The following ADAM28 variants were observed in gnomAD, a reference collection of about 807,000 sequenced individuals.
ADAM28 encodes the protein disintegrin and metalloproteinase domain-containing protein 28.
Under a neutral mutation model 101.2 loss-of-function variants are expected in ADAM28, and 105 were observed. The observed-to-expected ratio is 1.04, with a 90% CI of 0.89 to 1.22. ADAM28 has a LOEUF of 1.22. Among genes scored for constraint, ADAM28 ranks in the 50% most tolerant of loss-of-function variants. The pLI, the probability that ADAM28 is intolerant of heterozygous loss-of-function variation, is 0.00. For missense variants in ADAM28, 1,028 were observed against 945.4 expected (o/e 1.09, Z -1.15); for synonymous variants, 322 against 310.6 (o/e 1.04, Z -0.39).
At chr8:24,333,020 G>A (rs1375007199) in intron 13 of ADAM28, among the ~76,000 whole-genome samples, 1 of 152,268 alleles carries the variant, frequency 6.6e-6, no homozygotes, top group Admixed American at 6.5e-5. Flanking sequence ...ATTTGCTACA[G>A]CCTGGATACA....
intron 14 of ADAM28, chr8:24,336,056 G>A: frequency 1.0e-6 from 1 of 993,922 alleles, no homozygotes; most frequent in Non-Finnish European, 1.2e-6. Flanking sequence ...GTGTGTGTGT[G>A]TGTGCAGGGG....
At chr8:24,327,476 A>G (rs1171450534) in intron 10 of ADAM28, among the ~76,000 whole-genome samples, 1 of 152,194 alleles carries the variant, frequency 6.6e-6, no homozygotes, top group Non-Finnish European at 1.5e-5. Flanking sequence ...AACATAATTT[A>G]TAGATTCAGT....
chr8:24,342,112 A>C (rs1277607158), intron 16 of ADAM28, among the ~76,000 whole-genome samples: 7 of 152,214 alleles, frequency 4.6e-5, no homozygotes, highest in Admixed American at 1.3e-4. Context: ...TGAAAGTGCC[A>C]GTGTATGTGA....
At chr8:24,322,469 T>G (rs994885813) in intron 8 of ADAM28, 1 of 152,002 alleles carries the variant, frequency 6.6e-6, no homozygotes, top group Non-Finnish European at 1.5e-5. Context: ...ATAAAAAATG[T>G]GTGCAGAAAA....
At chr8:24,328,027 C>T (rs1024793429) in intron 10 of ADAM28, among the ~76,000 whole-genome samples, 2 of 152,148 alleles carry the variant, frequency 1.3e-5, no homozygotes, top group African/African-American at 4.8e-5. Flanking sequence ...ACGTAAGTAA[C>T]AATCCTGCAC....
chr8:24,302,259 AG>A (rs372260356), intron 2 of ADAM28, among the ~76,000 whole-genome samples: 219 of 152,270 alleles, frequency 1.4e-3, no homozygotes, highest in African/African-American at 4.8e-3. Context: ...GTGCCTGCAA[AG>A]GACATGATCC....
intron 13 of ADAM28, among the ~76,000 whole-genome samples, chr8:24,334,625 G>A (rs1028518361): frequency 1.3e-5 from 2 of 152,184 alleles, no homozygotes; most frequent in Non-Finnish European, 2.9e-5. Flanking sequence ...TCTCTGACTG[G>A]AGCTTTGGGT....
chr8:24,312,323 T>C (rs746906760), intron 5 of ADAM28, among the ~76,000 whole-genome samples: 6 of 152,156 alleles, frequency 3.9e-5, no homozygotes, highest in Non-Finnish European at 7.3e-5. Flanking sequence ...ATCAATGGTA[T>C]AATTAGATAA....
In ADAM28 at chr8:24,309,980, T is replaced by G; in HGVS notation, c.227+10T>G. On this transcript the variant is annotated intron_variant, in intron 3 of 22. Coordinates refer to ENST00000265769, the MANE Select transcript of ADAM28 (RefSeq NM_014265.6). ...ATTTGAAAAAAAACAAGTAAGTATC[T>G]TTACCTGTGATATTATCCTCAGCAA... The G allele has an allele frequency of 6.5e-7, 1 of 1,547,214 alleles. No homozygotes were observed. Among genetic ancestry groups the G allele is most frequent in the Non-Finnish European group, 8.9e-7 (1 of 1,120,932 alleles).
intron 13 of ADAM28, among the ~76,000 whole-genome samples, chr8:24,333,495 A>G (rs1330175710): frequency 6.6e-6 from 1 of 152,208 alleles, no homozygotes; most frequent in Non-Finnish European, 1.5e-5. Context: ...AATCATGTGC[A>G]CCTTAAATAC....
At chr8:24,317,991 CAGA>C (rs1349484942) in intron 6 of ADAM28, among the ~76,000 whole-genome samples, 2 of 151,938 alleles carry the variant, frequency 1.3e-5, no homozygotes, top group South Asian at 4.2e-4. Flanking sequence ...CCCTCAGAAC[CAGA>C]AGATGTTGAG....
intron 2 of ADAM28, among the ~76,000 whole-genome samples, chr8:24,305,451 CTTTT>C (rs10654023): frequency 4.6e-5 from 3 of 65,446 alleles, no homozygotes; most frequent in Non-Finnish European, 8.8e-5. Context: ...TAAGAGGTTT[CTTTT>C]TTTTTTTTTT....
At chr8:24,323,459 T>C (rs1331761702) in intron 8 of ADAM28, among the ~76,000 whole-genome samples, 1 of 151,982 alleles carries the variant, frequency 6.6e-6, no homozygotes, top group Non-Finnish European at 1.5e-5. Context: ...TTCTGAAATA[T>C]TCTCACTCTG....
At position 24,356,769 on chromosome 8, in the gene ADAM28, A is replaced by C. The variant is rs891510830; in HGVS notation, c.*2365A>C. ...ATTTTTACCTTGTCTACTTTAAAAC[A>C]GTGAAATTATTAGGTTAAATTATGT... On this transcript the variant is annotated 3_prime_UTR_variant, in exon 23 of 23. Transcript: ENST00000265769. 51 of 152,180 alleles carry C rather than the reference A, an allele frequency of 3.4e-4. No individual in the cohort carries two copies. Among genetic ancestry groups the C allele is most frequent in the African/African-American group, 1.2e-3 (50 of 41,456 alleles). 9.4% of individuals were successfully genotyped at this position (152,180 alleles called of 1,614,324 possible).
intron 6 of ADAM28, among the ~76,000 whole-genome samples, chr8:24,319,696 A>G (rs1418839939): frequency 2.0e-5 from 3 of 151,234 alleles, no homozygotes; most frequent in Non-Finnish European, 4.4e-5. Flanking sequence ...TTTGAGATAG[A>G]GAAAGGAACA....
intron 1 of ADAM28, 149 bp downstream of exon 1, chr8:24,294,344 C>T: frequency 1.1e-6 from 1 of 923,924 alleles, no homozygotes; most frequent in Non-Finnish European, 1.6e-6. Context: ...TGGTTTTAAC[C>T]TGTTGTTTGG....
rs766717076 is a variant in ADAM28, at chr8:24,356,685, C to T, written c.*2281C>T. The T allele has an allele frequency of 4.6e-5, 7 of 152,090 alleles. No individual in the cohort carries two copies. The highest frequency in any genetic ancestry group is 7.4e-5 in the Non-Finnish European group (5 of 68,008). 9.4% of individuals were successfully genotyped at this position (152,090 alleles called of 1,614,324 possible). On this transcript the variant is annotated 3_prime_UTR_variant, in exon 23 of 23. Transcript: ENST00000265769. ...TAACTTTCTAACTTTAAGGGAATTC[C>T]GCTTATTTGACATTTAACTACCTCA...
intron 7 of ADAM28, among the ~76,000 whole-genome samples, 176 bp downstream of exon 7, chr8:24,320,483 T>C (rs1274503830): frequency 6.6e-6 from 1 of 151,988 alleles, no homozygotes; most frequent in Non-Finnish European, 1.5e-5. Flanking sequence ...ATATGACTTC[T>C]TTTCAGAGCG....
rs767072648 is a variant in ADAM28 at position 24,341,638 on chromosome 8, G to T, written c.1711G>T (p.Asp571Tyr). The change falls in exon 16 of 23, where the codon GAT (aspartate) becomes TAT (tyrosine). Residue 571 changes from aspartate to tyrosine, a missense_variant. Physicochemically the swap from Asp to Tyr is radical, Grantham distance 160. Transcript: ENST00000265769. ...CGKLFCQGGS[D>Y]NLPWKGRIVT... ...GAAGTTGTTCTGTCAAGGTGGGTCG[G>T]ATAATTTGCCCTGGAAAGGACGGAT... is the stretch of plus-strand genomic sequence containing the variant. The T allele has an allele frequency of 3.7e-6, 6 of 1,613,654 alleles. No homozygotes were observed. The Admixed American group carries it at 1.0e-4, about 27-fold the overall frequency.
Sources: allele counts gnomAD v4.1 joint callset (sites outside exome capture counted in the v4.1 genomes callset), GRCh38; gene constraint gnomAD v4.1.1; transcripts MANE v1.5; gene names NCBI Gene and HGNC (gene_info 2026-07-23, HGNC 2026-07-21).